Variants in SAMD3 observed in about 807,000 individuals in gnomAD.
SAMD3 encodes the protein sterile alpha motif domain-containing protein 3.
A neutral mutation model predicts 58.5 loss-of-function variants in SAMD3; 63 were observed. That is an observed-to-expected ratio of 1.08 (90% CI 0.88 to 1.33). The LOEUF (loss-of-function observed/expected upper bound fraction) is 1.33, where lower values mean the gene tolerates loss of function less well. SAMD3 is among the 40% of genes most tolerant of loss of function. SAMD3 has a pLI of 0.00. For missense variants in SAMD3, 604 were observed against 608.4 expected (o/e 0.99, Z 0.08); for synonymous variants, 220 against 210.3 (o/e 1.05, Z -0.40).
At chr6:130,357,387 G>A (rs899665843) in intron 1 of SAMD3, among the ~76,000 whole-genome samples, 15 of 151,954 alleles carry the variant, frequency 9.9e-5, no homozygotes, top group African/African-American at 3.6e-4. Flanking sequence ...GCCTCCCAAA[G>A]TCCTGGGATT....
upstream of SAMD3, among the ~76,000 whole-genome samples, chr6:130,226,061 A>C (rs1796374775): frequency 6.6e-6 from 1 of 152,224 alleles, no homozygotes; most frequent in South Asian, 2.1e-4. Flanking sequence ...AAGTATCTGC[A>C]GTAATTCAGG....
intron 8 of SAMD3, among the ~76,000 whole-genome samples, chr6:130,157,583 T>A (rs555312845): frequency 2.0e-5 from 3 of 152,150 alleles, no homozygotes; most frequent in Non-Finnish European, 4.4e-5. Flanking sequence ...TACCTTGGCC[T>A]CCCAAATTGT....
intron 5 of SAMD3, among the ~76,000 whole-genome samples, chr6:130,197,014 C>A (rs146466181): frequency 0.02 from 3,100 of 152,288 alleles, 103 homozygotes; most frequent in African/African-American, 0.071. Context: ...CCTTACGGTC[C>A]TCCATCTTCA....
At chr6:130,272,354 C>T (rs538431178) in intron 2 of SAMD3, among the ~76,000 whole-genome samples, 13 of 152,102 alleles carry the variant, frequency 8.5e-5, no homozygotes, top group Non-Finnish European at 1.6e-4. Context: ...ATTACTTTTT[C>T]ATGGTTGTCT....
At chr6:130,339,020 G>T (rs923671263) in intron 1 of SAMD3, among the ~76,000 whole-genome samples, 7 of 151,998 alleles carry the variant, frequency 4.6e-5, no homozygotes, top group African/African-American at 1.7e-4. Context: ...CTCTGGCTCT[G>T]TGTCCCTACC....
At chr6:130,313,552 C>T (rs1456292975) in intron 1 of SAMD3, among the ~76,000 whole-genome samples, 2 of 152,216 alleles carry the variant, frequency 1.3e-5, no homozygotes, top group East Asian at 3.8e-4. Context: ...ACTTGAGACT[C>T]ACAATTCAGT....
rs189601490 is a variant in SAMD3, at chr6:130,311,096, G to A, written c.-188+1882C>T. Among the ~76,000 whole-genome samples, 313 of 152,234 alleles carry A rather than the reference G, an allele frequency of 2.1e-3. 10 individuals carry two copies. Among genetic ancestry groups the A allele is most frequent in the Admixed American group, 0.015 (225 of 15,288 alleles). ...GCCCTGACAAAGAACCACACATACC[G>A]TGCACCACCTCACCTCCTCCCGTAA... On this transcript the variant is annotated intron_variant, in intron 2 of 13. Transcript: ENST00000368134.
chr6:130,313,491 C>T lies in SAMD3; in HGVS notation c.-303-398G>A, dbSNP rs562612749. 4.6e-5 allele frequency among the ~76,000 whole-genome samples: 7 copies of T among 152,180 alleles called. No homozygotes were observed. In the East Asian group the frequency reaches 5.8e-4, roughly 13 times the overall value. ...TCCTTAAGGAATTCTCTCTCCTGCC[C>T]GGAAAATAAAAGTGCAGCTGTAAGC... On this transcript the variant is annotated intron_variant, in intron 1 of 13. Coordinates refer to the SAMD3 transcript ENST00000368134.
rs541485213 is a variant in SAMD3 at position 130,151,235 on chromosome 6, C to T, written c.1023+3590G>A. Among the ~76,000 whole-genome samples, 66 of 132,356 alleles carry T rather than the reference C, an allele frequency of 5.0e-4. 1 individual carries two copies. Among genetic ancestry groups the T allele is most frequent in the Non-Finnish European group, 9.9e-4 (62 of 62,582 alleles). 86.8% of individuals were successfully genotyped at this position (132,356 alleles called of 152,430 possible). On this transcript the variant is annotated intron_variant, in intron 9 of 11. Transcript: ENST00000439090. ...CTGTACAGTGAGCTAGAAAGTAACC[C>T]ATGCACAAAACTGAGGCACATCTTA... is the stretch of plus-strand genomic sequence containing the variant.
At chr6:130,179,098 T>C (rs566423042) in intron 7 of SAMD3, among the ~76,000 whole-genome samples, 1 of 152,350 alleles carries the variant, frequency 6.6e-6, no homozygotes, top group East Asian at 1.9e-4. Flanking sequence ...GTGGGAGGTA[T>C]TATAGCAATC....
intron 2 of SAMD3, among the ~76,000 whole-genome samples, chr6:130,229,425 C>G (rs931178593): frequency 2.0e-5 from 3 of 152,076 alleles, no homozygotes; most frequent in Non-Finnish European, 4.4e-5. Flanking sequence ...TTCTCTTTAC[C>G]CTGGTGGAAG....
chr6:130,227,343 AC>A (rs1454708506), upstream of SAMD3, among the ~76,000 whole-genome samples: 1 of 152,180 alleles, frequency 6.6e-6, no homozygotes, highest in East Asian at 1.9e-4. Context: ...TGATGTATAT[AC>A]CATATTTTGT....
chr6:130,146,000 G>T lies in SAMD3; in HGVS notation c.1195+10C>A. The T allele has an allele frequency of 6.8e-7, 1 of 1,472,208 alleles. No homozygotes were observed. The highest frequency in any genetic ancestry group is 9.0e-7 in the Non-Finnish European group (1 of 1,107,848). 91.2% of individuals were successfully genotyped at this position (1,472,208 alleles called of 1,614,324 possible). On this transcript the variant is annotated intron_variant, in intron 10 of 11. Coordinates refer to ENST00000439090, the MANE Select transcript of SAMD3 (RefSeq NM_001017373.4). ...AGATGAAATCACACCACTCCATAAGGTTTACTAACATTTCAACATGTCTTC... is the reference window on the plus strand; with the variant it reads ...AGATGAAATCACACCACTCCATAAGTTTTACTAACATTTCAACATGTCTTC...
At chr6:130,239,169 T>C (rs1289202221) in intron 2 of SAMD3, among the ~76,000 whole-genome samples, 1 of 152,118 alleles carries the variant, frequency 6.6e-6, no homozygotes, top group African/African-American at 2.4e-5. Context: ...GTGGACTGAC[T>C]CTCCTGAGGC....
intron 7 of SAMD3, among the ~76,000 whole-genome samples, chr6:130,180,244 C>G (rs1482723909): frequency 2.0e-5 from 3 of 151,134 alleles, no homozygotes; most frequent in Admixed American, 6.6e-5. Flanking sequence ...CCTCAGCCTC[C>G]CAAGTAGCTG....
intron 8 of SAMD3, among the ~76,000 whole-genome samples, chr6:130,155,590 G>C (rs1263968129): frequency 6.6e-6 from 1 of 152,152 alleles, no homozygotes; most frequent in Non-Finnish European, 1.5e-5. Flanking sequence ...TATTCTTGTT[G>C]AAAATCTAAG....
Position 130,310,679 on chromosome 6 carries a change from T to C in SAMD3, c.-188+2299A>G, listed in dbSNP as rs565196116. Among the ~76,000 whole-genome samples the C allele has an allele frequency of 1.2e-3, 179 of 152,356 alleles. 1 individual carries two copies. The highest frequency in any genetic ancestry group is 4.1e-3 in the African/African-American group (172 of 41,592). On this transcript the variant is annotated intron_variant, in intron 2 of 13. Coordinates refer to the SAMD3 transcript ENST00000368134. Reference sequence around the variant, plus strand: ...TCAAAATTACAGTAAACGTGCTCTCTGCAGATAATTTAACACCTGTGTATT... The same window carrying C: ...TCAAAATTACAGTAAACGTGCTCTCCGCAGATAATTTAACACCTGTGTATT...
chr6:130,179,180 G>A (rs1792028931), intron 7 of SAMD3, among the ~76,000 whole-genome samples: 1 of 152,082 alleles, frequency 6.6e-6, no homozygotes, highest in Admixed American at 6.6e-5. Flanking sequence ...TTAACTGTCT[G>A]ATAGGAACAG....
intron 2 of SAMD3, among the ~76,000 whole-genome samples, chr6:130,260,118 T>C (rs1774071018): frequency 6.6e-6 from 1 of 152,210 alleles, no homozygotes; most frequent in Non-Finnish European, 1.5e-5. Flanking sequence ...ATGGACTACA[T>C]ATAGTGAGAG....
Sources: allele counts gnomAD v4.1 joint callset (sites outside exome capture counted in the v4.1 genomes callset), GRCh38; gene constraint gnomAD v4.1.1; transcripts MANE v1.5; gene names NCBI Gene and HGNC (gene_info 2026-07-23, HGNC 2026-07-21).